CNR2: variants seen among roughly 807,000 people sequenced by gnomAD.
CNR2 encodes the protein cannabinoid receptor 2.
For missense variants in CNR2, 379 were observed against 439.9 expected (o/e 0.86, Z 1.24); for synonymous variants, 172 against 182.2 (o/e 0.94, Z 0.45).
chr1:23,904,164 T>A (rs1251897001), intron 1 of CNR2, among the ~76,000 whole-genome samples: 5 of 151,952 alleles, frequency 3.3e-5, no homozygotes, highest in Admixed American at 3.3e-4. Context: ...TCTGGTTTTT[T>A]TGTTCGTTTC....
intron 1 of CNR2, among the ~76,000 whole-genome samples, chr1:23,877,283 G>A (rs2148457472): frequency 6.6e-6 from 1 of 152,312 alleles, no homozygotes; most frequent in Admixed American, 6.5e-5. Flanking sequence ...TGAAAAAAGA[G>A]ATCCTTAAGG....
intron 1 of CNR2, among the ~76,000 whole-genome samples, chr1:23,894,363 C>T (rs1640239886): frequency 6.6e-6 from 1 of 151,468 alleles, no homozygotes; most frequent in South Asian, 2.1e-4. Context: ...GGAGGTTGCA[C>T]TGAGCTGAGA....
chr1:23,902,485 G>A, intron 1 of CNR2: 3 of 1,604,918 alleles, frequency 1.9e-6, no homozygotes, highest in Non-Finnish European at 2.6e-6. Context: ...TCCGCTTCCA[G>A]ATCGATCTCA....
At chr1:23,888,205 C>T (rs185096525) in intron 1 of CNR2, among the ~76,000 whole-genome samples, 295 of 152,302 alleles carry the variant, frequency 1.9e-3, no homozygotes, top group Middle Eastern at 0.017. Flanking sequence ...GCACTCCGTT[C>T]GGTCTCTCTG....
chr1:23,911,436 C>T (rs1640582514), intron 1 of CNR2, among the ~76,000 whole-genome samples: 2 of 152,070 alleles, frequency 1.3e-5, no homozygotes. Context: ...CAATGGGCAT[C>T]CATCGTAGGA....
intron 1 of CNR2, among the ~76,000 whole-genome samples, chr1:23,881,113 T>C (rs1345022671): frequency 2.0e-5 from 3 of 149,710 alleles, no homozygotes; most frequent in Non-Finnish European, 4.4e-5. Flanking sequence ...CCATCTCTAC[T>C]AAAAATACAA....
At chr1:23,895,790 C>T (rs1033287942) in intron 1 of CNR2, among the ~76,000 whole-genome samples, 1 of 152,100 alleles carries the variant, frequency 6.6e-6, no homozygotes, top group Non-Finnish European at 1.5e-5. Flanking sequence ...GCGTGAGCCA[C>T]CGTGCCCGGC....
intron 1 of CNR2, among the ~76,000 whole-genome samples, chr1:23,889,264 C>T (rs1015845658): frequency 6.6e-6 from 1 of 152,124 alleles, no homozygotes; most frequent in Non-Finnish European, 1.5e-5. Context: ...GCTGGTCCCA[C>T]GTTGCTGCTG....
At chr1:23,901,556 G>T in intron 1 of CNR2, 1 of 1,612,656 alleles carries the variant, frequency 6.2e-7, no homozygotes, top group Admixed American at 1.7e-5. Context: ...GAACTGGAAG[G>T]CCACCTTTCT....
At chr1:23,900,341 G>A (rs1273665248) in intron 1 of CNR2, among the ~76,000 whole-genome samples, 4 of 151,768 alleles carry the variant, frequency 2.6e-5, no homozygotes, top group Non-Finnish European at 4.4e-5. Context: ...CCGGTCTCCC[G>A]CACAGCCAGC....
chr1:23,890,885 T>C (rs1640179739), intron 1 of CNR2, among the ~76,000 whole-genome samples: 1 of 150,544 alleles, frequency 6.6e-6, no homozygotes, highest in African/African-American at 2.4e-5. Context: ...CTTCTTCTTT[T>C]TTTTTTTTTT....
intron 1 of CNR2, chr1:23,902,535 G>T (rs1640417374): frequency 1.9e-6 from 3 of 1,608,672 alleles, no homozygotes. Context: ...AAAGGCTGCG[G>T]GCTCCACGTC....
intron 1 of CNR2, among the ~76,000 whole-genome samples, chr1:23,904,994 C>A (rs142787020): frequency 9.7e-4 from 148 of 152,182 alleles, no homozygotes; most frequent in African/African-American, 3.4e-3. Flanking sequence ...TTGCATCAGT[C>A]GGGGGTTGAG....
chr1:23,886,598 G>A (rs1297573335), intron 1 of CNR2, among the ~76,000 whole-genome samples: 2 of 152,220 alleles, frequency 1.3e-5, no homozygotes, highest in Non-Finnish European at 2.9e-5. Flanking sequence ...GATTCTACAT[G>A]GAGTAAGCCA....
At chr1:23,897,523 G>A (rs1447310767) in intron 1 of CNR2, among the ~76,000 whole-genome samples, 1 of 150,446 alleles carries the variant, frequency 6.6e-6, no homozygotes, top group Admixed American at 6.6e-5. Flanking sequence ...CACCCAAGCT[G>A]GAGTGCAGTG....
At chr1:23,897,325 A>C (rs955682205) in intron 1 of CNR2, among the ~76,000 whole-genome samples, 1 of 152,142 alleles carries the variant, frequency 6.6e-6, no homozygotes, top group Non-Finnish European at 1.5e-5. Flanking sequence ...AGAAGTTCTC[A>C]AACTTCGTGG....
intron 1 of CNR2, among the ~76,000 whole-genome samples, chr1:23,910,127 T>TA (rs1399691753): frequency 1.4e-5 from 2 of 145,216 alleles, no homozygotes; most frequent in East Asian, 2.0e-4. Context: ...TTTTAATTTT[T>TA]TTTTTTTTTT....
At chr1:23,901,988 C>G in intron 1 of CNR2, 1 of 1,605,574 alleles carries the variant, frequency 6.2e-7, no homozygotes, top group Non-Finnish European at 8.5e-7. Flanking sequence ...GGCCGTGTAC[C>G]ACAGGAAGAT....
chr1:23,896,143 C>T (rs545066600), intron 1 of CNR2, among the ~76,000 whole-genome samples: 9 of 152,178 alleles, frequency 5.9e-5, no homozygotes, highest in African/African-American at 1.4e-4. Context: ...GCTCAGATTA[C>T]GGGCATGAGC....
Sources: allele counts gnomAD v4.1 joint callset (sites outside exome capture counted in the v4.1 genomes callset), GRCh38; gene constraint gnomAD v4.1.1; transcripts MANE v1.5; gene names NCBI Gene and HGNC (gene_info 2026-07-23, HGNC 2026-07-21).